The following LRRC4C variants were observed in gnomAD, a reference collection of about 807,000 sequenced individuals.
The protein encoded by LRRC4C is leucine-rich repeat-containing protein 4C.
A neutral mutation model predicts 33.6 loss-of-function variants in LRRC4C; 5 were observed. That is an observed-to-expected ratio of 0.15 (90% CI 0.08 to 0.31). LRRC4C has a LOEUF of 0.31. Among genes scored for constraint, LRRC4C ranks in the 10% least tolerant of loss-of-function variants. The pLI is 1.00. For synonymous variants in LRRC4C, 329 were observed against 302.0 expected, an observed-to-expected ratio of 1.09 and a Z score of -0.93; for missense variants, 560 against 796.7, an observed-to-expected ratio of 0.70 and a Z score of 3.58.
chr11:40,891,293 C>T (rs1955697968), intron 2 of LRRC4C, among the ~76,000 whole-genome samples: 1 of 152,018 alleles, frequency 6.6e-6, no homozygotes, highest in Non-Finnish European at 1.5e-5. Context: ...GACAAACTTG[C>T]CAGACCAACA....
intron 3 of LRRC4C, among the ~76,000 whole-genome samples, chr11:40,405,017 C>T (rs1949908066): frequency 6.6e-6 from 1 of 151,992 alleles, no homozygotes; most frequent in African/African-American, 2.4e-5. Context: ...TAACTAGAGT[C>T]CTCATTAGAT....
intron 1 of LRRC4C, among the ~76,000 whole-genome samples, chr11:41,178,979 G>A (rs1336053199): frequency 1.3e-5 from 2 of 152,136 alleles, no homozygotes; most frequent in South Asian, 2.1e-4. Context: ...GGGATTACAA[G>A]CCTGAGCCAC....
At chr11:40,162,369 A>G (rs1326693570) in intron 5 of LRRC4C, among the ~76,000 whole-genome samples, 1 of 152,166 alleles carries the variant, frequency 6.6e-6, no homozygotes, top group Admixed American at 6.5e-5. Flanking sequence ...AATTAGAGAA[A>G]GAGATATAGA....
chr11:40,761,753 C>A (rs545401173), intron 2 of LRRC4C, among the ~76,000 whole-genome samples: 89 of 152,250 alleles, frequency 5.8e-4, no homozygotes, highest in African/African-American at 2.0e-3. Flanking sequence ...AGTTTTTGGT[C>A]AGCTGCTGTA....
intron 2 of LRRC4C, among the ~76,000 whole-genome samples, chr11:40,932,738 G>C (rs1002147580): frequency 6.6e-6 from 1 of 152,130 alleles, no homozygotes; most frequent in Non-Finnish European, 1.5e-5. Flanking sequence ...AAAAGAGGAG[G>C]CTAATTCATT....
In LRRC4C at chr11:40,866,533, G is replaced by A. The variant is rs1409927519; in HGVS notation, c.-407+67102C>T. On this transcript the variant is annotated intron_variant, in intron 2 of 6. Coordinates refer to ENST00000528697, the MANE Select transcript of LRRC4C (RefSeq NM_001258419.2). Reference sequence around the variant, plus strand: ...TAACATTTCAGTAAAGACCAAGCAGGAAGATAACTTGACTCACTGTCTCTG... The same window carrying A: ...TAACATTTCAGTAAAGACCAAGCAGAAAGATAACTTGACTCACTGTCTCTG... Among the ~76,000 whole-genome samples the A allele has an allele frequency of 2.6e-5, 4 of 152,210 alleles. No individual in the cohort carries two copies. The East Asian group carries it at 5.8e-4, about 22-fold the overall frequency.
intron 2 of LRRC4C, among the ~76,000 whole-genome samples, chr11:40,712,126 A>G (rs1213929446): frequency 1.5e-5 from 2 of 134,072 alleles, no homozygotes; most frequent in Non-Finnish European, 3.3e-5. Flanking sequence ...TGATGAAGTT[A>G]CTGACTTAAT....
chr11:40,943,194 T>G lies in LRRC4C; in HGVS notation c.-495-9471A>C, dbSNP rs779729643. Among the ~76,000 whole-genome samples the G allele has an allele frequency of 2.6e-5, 4 of 152,314 alleles. No individual in the cohort carries two copies. In the South Asian group the frequency reaches 8.3e-4, roughly 32 times the overall value. On this transcript the variant is annotated intron_variant, in intron 1 of 6. Coordinates refer to ENST00000528697, the MANE Select transcript of LRRC4C (RefSeq NM_001258419.2). ...GGTGCAGAAGAAATGACTAAATAACTAAAGGCTAGGTACTGTTAGGTGATT... is the reference window on the plus strand; with the variant it reads ...GGTGCAGAAGAAATGACTAAATAACGAAAGGCTAGGTACTGTTAGGTGATT...
At chr11:40,237,482 A>G (rs1865644790) in intron 5 of LRRC4C, among the ~76,000 whole-genome samples, 1 of 152,192 alleles carries the variant, frequency 6.6e-6, no homozygotes, top group African/African-American at 2.4e-5. Flanking sequence ...AGTGAACCCA[A>G]TGACAACCCT....
chr11:40,836,165 G>C (rs1162070274), intron 2 of LRRC4C, among the ~76,000 whole-genome samples: 1 of 152,134 alleles, frequency 6.6e-6, no homozygotes, highest in East Asian at 1.9e-4. Flanking sequence ...GTCTCCAGGG[G>C]TACCTATTTG....
chr11:40,839,500 C>T (rs901442495), intron 2 of LRRC4C, among the ~76,000 whole-genome samples: 6 of 152,154 alleles, frequency 3.9e-5, no homozygotes, highest in African/African-American at 1.4e-4. Flanking sequence ...CCTGCCTCGG[C>T]GTTCCAAAGT....
In LRRC4C at chr11:40,238,074, C is replaced by A. The variant is rs530567723; in HGVS notation, c.-96+3445G>T. ...TTTGTTCAGTGGAACTCAAAGGGAT[C>A]CAAAATTTGTACGGCAGCACAGGTT... On this transcript the variant is annotated intron_variant, in intron 5 of 6. Transcript: ENST00000528697. Among the ~76,000 whole-genome samples the A allele has an allele frequency of 2.0e-5, 3 of 152,292 alleles. No individual in the cohort carries two copies. In the South Asian group the frequency reaches 6.2e-4, roughly 32 times the overall value.
At chr11:40,197,438 T>A (rs1862351923) in intron 5 of LRRC4C, among the ~76,000 whole-genome samples, 1 of 152,240 alleles carries the variant, frequency 6.6e-6, no homozygotes, top group African/African-American at 2.4e-5. Context: ...GATTGCATTA[T>A]ATCCTTTTCT....
At chr11:41,232,416 C>T (rs1409286827) in intron 1 of LRRC4C, among the ~76,000 whole-genome samples, 1 of 152,020 alleles carries the variant, frequency 6.6e-6, no homozygotes, top group Non-Finnish European at 1.5e-5. Context: ...TCCCATCAGA[C>T]ATAACAATCA....
intron 3 of LRRC4C, among the ~76,000 whole-genome samples, chr11:40,415,579 C>A (rs2137681456): frequency 6.6e-6 from 1 of 152,216 alleles, no homozygotes; most frequent in South Asian, 2.1e-4. Context: ...AGAGGCAACA[C>A]CTTATGTTCT....
chr11:40,836,159 C>T (rs1458340680), intron 2 of LRRC4C, among the ~76,000 whole-genome samples: 1 of 152,154 alleles, frequency 6.6e-6, no homozygotes, highest in Non-Finnish European at 1.5e-5. Context: ...AGTTCTGTCT[C>T]CAGGGGTACC....
intron 4 of LRRC4C, among the ~76,000 whole-genome samples, chr11:40,242,450 C>T (rs753439208): frequency 1.5e-4 from 23 of 152,034 alleles, no homozygotes; most frequent in Non-Finnish European, 2.9e-4. Context: ...ATCAGAAAGT[C>T]GGGGAATGGT....
chr11:40,878,477 C>G (rs2135999322), intron 2 of LRRC4C, among the ~76,000 whole-genome samples: 1 of 152,306 alleles, frequency 6.6e-6, no homozygotes, highest in African/African-American at 2.4e-5. Context: ...GAGCATACAA[C>G]CTAGAGCCCT....
intron 2 of LRRC4C, among the ~76,000 whole-genome samples, chr11:40,683,897 C>G (rs1388509148): frequency 6.6e-6 from 1 of 152,188 alleles, no homozygotes; most frequent in African/African-American, 2.4e-5. Context: ...GCTGCTTGTG[C>G]ACACTGAGTT....
Sources: gnomAD v4.1 joint callset for allele counts (sites outside exome capture counted in the v4.1 genomes callset) on GRCh38, gnomAD v4.1.1 for gene constraint, MANE v1.5 for transcripts, NCBI Gene and HGNC (gene_info 2026-07-23, HGNC 2026-07-21) for gene names.